MRTFB: variants seen among roughly 807,000 people sequenced by gnomAD.
MRTFB encodes myocardin-related transcription factor B.
A neutral mutation model predicts 104.2 loss-of-function variants in MRTFB; 29 were observed. The ratio of observed to expected loss-of-function variants is 0.28; its 90% confidence interval spans 0.21 to 0.38. The LOEUF is 0.38. Ranked by LOEUF, MRTFB falls within the 10% of genes least tolerant of loss-of-function variation. The probability of loss-of-function intolerance (pLI) is 1.00; values close to 1 mark genes in which losing one functional copy is unlikely to be tolerated. For missense variants in MRTFB, 1,270 were observed against 1,341.6 expected, an observed-to-expected ratio of 0.95 and a Z score of 0.83; for synonymous variants, 535 against 519.5, an observed-to-expected ratio of 1.03 and a Z score of -0.41.
intron 2 of MRTFB, among the ~76,000 whole-genome samples, chr16:14,139,845 A>G (rs1042529898): frequency 2.0e-5 from 3 of 152,206 alleles, no homozygotes; most frequent in African/African-American, 7.2e-5. Flanking sequence ...ACATGGACTG[A>G]CCATCCTTCT....
intron 3 of MRTFB, among the ~76,000 whole-genome samples, chr16:14,154,149 A>G (rs1948286137): frequency 6.6e-6 from 1 of 152,180 alleles, no homozygotes; most frequent in Non-Finnish European, 1.5e-5. Flanking sequence ...CCTGGGCAAT[A>G]AAGCTAGACC....
the MRTFB span, among the ~76,000 whole-genome samples, chr16:14,048,045 G>T: frequency 2.6e-5 from 4 of 152,296 alleles, no homozygotes; most frequent in East Asian, 7.7e-4. Context: ...AGATACAATG[G>T]GGGTACAGGC....
chr16:14,259,404 A>G (rs1020997390), intron 16 of MRTFB, among the ~76,000 whole-genome samples: 4 of 152,224 alleles, frequency 2.6e-5, no homozygotes. Flanking sequence ...TCCAGTAAGT[A>G]TATTATTTCA....
rs1555495149 is a variant in MRTFB at position 14,177,903 on chromosome 16, G to GGTGGGT, written c.155-32337_155-32336insGGTGTG. On this transcript the variant is annotated intron_variant, in intron 3 of 16. Coordinates refer to ENST00000571589, the MANE Select transcript of MRTFB (RefSeq NM_001308142.2). This position sits in a 1 kb window ranked among gnomAD's most constrained non-coding sequence, Gnocchi z 4.7. Reference sequence around the variant, plus strand: ...CGAGAAGTACATGAACCAGAGGTAGGGTGTGTGTGTGTGTGTGTGTGTGTG... The same window carrying GGTGGGT: ...CGAGAAGTACATGAACCAGAGGTAGGGTGGGTGTGTGTGTGTGTGTGTGTGTGTGTG... 3.3e-4 allele frequency among the ~76,000 whole-genome samples: 48 copies of GGTGGGT among 146,072 alleles called. No individual in the cohort carries two copies. The highest frequency in any genetic ancestry group is 1.1e-3 in the African/African-American group (45 of 40,230).
chr16:14,112,347 A>G (rs1480246158), intron 2 of MRTFB, among the ~76,000 whole-genome samples: 1 of 152,172 alleles, frequency 6.6e-6, no homozygotes, highest in African/African-American at 2.4e-5. Context: ...GGGAATGATC[A>G]TGAGGTGAGT....
chr16:14,149,868 G>C (rs1212450698), intron 3 of MRTFB, among the ~76,000 whole-genome samples: 1 of 152,224 alleles, frequency 6.6e-6, no homozygotes, highest in Non-Finnish European at 1.5e-5. Context: ...GAGGGCTGTA[G>C]AGTTAAGCCT....
At chr16:14,141,648 G>C (rs2038001658) in intron 3 of MRTFB, 1 of 152,026 alleles carries the variant, frequency 6.6e-6, no homozygotes, top group Non-Finnish European at 1.5e-5. Flanking sequence ...TGGGTCCTGA[G>C]TGTTTTCCAG....
intron 2 of MRTFB, among the ~76,000 whole-genome samples, chr16:14,137,842 T>G (rs2037799849): frequency 1.3e-5 from 2 of 152,090 alleles, no homozygotes; most frequent in African/African-American, 4.8e-5. Context: ...TAAAAATTTA[T>G]TCTGTCTCTT....
intron 2 of MRTFB, among the ~76,000 whole-genome samples, chr16:14,136,978 C>G (rs1352471165): frequency 6.6e-6 from 1 of 152,126 alleles, no homozygotes; most frequent in African/African-American, 2.4e-5. Context: ...CAGTTCTAGA[C>G]AAATTAATAT....
Position 14,219,013 on chromosome 16 carries a change from G to T in MRTFB, c.693+15G>T, listed in dbSNP as rs1001391056. On this transcript the variant is annotated intron_variant, in intron 8 of 16. Transcript: ENST00000571589. Reference sequence around the variant, plus strand: ...CTCCAGCGCAGGTATTATCTTTCTGGTTTTGACCCCTAAAGAAAGAAAATG... The same window carrying T: ...CTCCAGCGCAGGTATTATCTTTCTGTTTTTGACCCCTAAAGAAAGAAAATG... 5 of 1,573,166 alleles carry T rather than the reference G, an allele frequency of 3.2e-6. No individual in the cohort carries two copies. In the African/African-American group the frequency reaches 4.1e-5, roughly 13 times the overall value.
the MRTFB span, among the ~76,000 whole-genome samples, chr16:13,999,858 A>G: frequency 6.6e-6 from 1 of 152,150 alleles, no homozygotes; most frequent in African/African-American, 2.4e-5. Context: ...AAGAGCCTAT[A>G]TGATAGAAAC....
At chr16:14,222,232 T>C (rs1307075770) in intron 8 of MRTFB, among the ~76,000 whole-genome samples, 1 of 152,176 alleles carries the variant, frequency 6.6e-6, no homozygotes, top group Non-Finnish European at 1.5e-5. Context: ...GATTTCACTT[T>C]CCTTCTTGTT....
chr16:14,108,107 GCTTCAGT>G (rs915244456), intron 2 of MRTFB, among the ~76,000 whole-genome samples: 4 of 152,168 alleles, frequency 2.6e-5, no homozygotes, highest in African/African-American at 9.7e-5. Context: ...TTTCTACCTG[GCTTCAGT>G]CTTTAGACCA....
chr16:14,254,932 T>C (rs756345979), intron 15 of MRTFB, among the ~76,000 whole-genome samples: 7 of 152,176 alleles, frequency 4.6e-5, no homozygotes, highest in Non-Finnish European at 8.8e-5. Flanking sequence ...AAAGGAAATA[T>C]GCTTGTAATA....
At chr16:14,073,080 A>T (rs2033819841) in intron 1 of MRTFB, among the ~76,000 whole-genome samples, 1 of 152,228 alleles carries the variant, frequency 6.6e-6, no homozygotes. Flanking sequence ...GCTAATGTTT[A>T]GACAGTTTTC....
the MRTFB span, among the ~76,000 whole-genome samples, chr16:14,015,534 C>T: frequency 6.6e-6 from 1 of 152,118 alleles, no homozygotes; most frequent in Admixed American, 6.5e-5. Context: ...TACCTGCAGC[C>T]GTATTCCTAG....
intron 3 of MRTFB, among the ~76,000 whole-genome samples, chr16:14,145,482 A>C (rs7200788): frequency 1.8e-4 from 28 of 152,320 alleles, no homozygotes; most frequent in African/African-American, 6.7e-4. Flanking sequence ...TTACATTCAT[A>C]TTCATGTTAC....
chr16:14,203,631 G>A (rs114854863), intron 3 of MRTFB, among the ~76,000 whole-genome samples: 2,468 of 151,686 alleles, frequency 0.016, 82 homozygotes, highest in African/African-American at 0.056. Context: ...GGAAAACCCC[G>A]TCTCTATTAA....
chr16:14,171,226 A>C (rs1407620318), intron 3 of MRTFB, among the ~76,000 whole-genome samples: 1 of 152,192 alleles, frequency 6.6e-6, no homozygotes, highest in African/African-American at 2.4e-5. Flanking sequence ...TTTATAAACT[A>C]AGACCTGGGA....
Sources: gnomAD v4.1 joint callset for allele counts (sites outside exome capture counted in the v4.1 genomes callset) on GRCh38, gnomAD v4.1.1 for gene constraint, Gnocchi (gnomAD v3.1) non-coding constraint, MANE v1.5 for transcripts, NCBI Gene and HGNC (gene_info 2026-07-23, HGNC 2026-07-21) for gene names.